SLC45A3: variants seen among roughly 807,000 people sequenced by gnomAD.
SLC45A3 encodes prostate cancer associated protein 2.
Under a neutral mutation model 35.3 loss-of-function variants are expected in SLC45A3, and 17 were observed. The ratio of observed to expected loss-of-function variants is 0.48; its 90% confidence interval spans 0.33 to 0.72. SLC45A3 has a LOEUF of 0.72. Among genes scored for constraint, SLC45A3 ranks in the 30% least tolerant of loss-of-function variants. The probability of loss-of-function intolerance (pLI) is 0.02; values close to 1 mark genes in which losing one functional copy is unlikely to be tolerated. For missense variants in SLC45A3, 597 were observed against 731.7 expected, an observed-to-expected ratio of 0.82 and a Z score of 2.12; for synonymous variants, 288 against 334.3, an observed-to-expected ratio of 0.86 and a Z score of 1.51.
chr1:205,671,873 C>CAAAG (rs1671222544), intron 1 of SLC45A3, among the ~76,000 whole-genome samples: 1 of 151,126 alleles, frequency 6.6e-6, no homozygotes, highest in South Asian at 2.1e-4. Context: ...CTCAAACAAA[C>CAAAG]AAAAAACCAC....
Position 205,662,355 on chromosome 1 carries a change from G to C in SLC45A3, c.959-229C>G. The C allele has an allele frequency of 7.1e-7, 1 of 1,404,408 alleles. No individual in the cohort carries two copies. The highest frequency in any genetic ancestry group is 9.2e-7 in the Non-Finnish European group (1 of 1,083,912). 87.0% of individuals were successfully genotyped at this position (1,404,408 alleles called of 1,614,324 possible). A position where few individuals can be genotyped will look rare whatever the true frequency, so the allele number is the denominator to read the frequency against. ...CCCTTGCTGAAGGCAGAGGAAGGTA[G>C]TCTGAAGGTTTCCTGGGAGTCTCAG... On this transcript the variant is annotated intron_variant, in intron 3 of 4. Coordinates refer to ENST00000367145, the MANE Select transcript of SLC45A3 (RefSeq NM_033102.3). The surrounding 1 kb of genome is among the most constrained non-coding windows in gnomAD (Gnocchi z 6.2).
rs1553247618 is a variant in SLC45A3 at position 205,664,701 on chromosome 1, A to G, written c.-45T>C. On this transcript the variant is annotated 5_prime_UTR_variant, in exon 2 of 5. Coordinates refer to ENST00000367145, the MANE Select transcript of SLC45A3 (RefSeq NM_033102.3). The surrounding 1 kb of genome is among the most constrained non-coding windows in gnomAD (Gnocchi z 5.3). ...GCTCAGGGGGCCGTTCAGGCACTCC[A>G]GAACTGCTTCGTCTCGGCTCTGCTC... 2 of 1,597,206 alleles carry G rather than the reference A, an allele frequency of 1.3e-6. No individual in the cohort carries two copies. The highest frequency in any genetic ancestry group is 1.1e-5 in the South Asian group (1 of 89,578).
Position 205,659,631 on chromosome 1 carries a change from C to G in SLC45A3, c.1265G>C (p.Ser422Thr). ...PKYRGDTGGA[S>T]SEDSLMTSFL... ...GCTGGTCATCAGGCTGTCCTCACTG[C>G]TAGCACCTCCAGTGTCCCCTCGGTA... The change falls in exon 5 of 5, where the codon AGC becomes ACC. Residue 422 changes from serine (S) to threonine (T), a missense_variant. This residue lies in a region of SLC45A3 where 555 missense variants were observed against 664.9 expected (regional missense o/e 0.83). Coordinates refer to ENST00000367145, the MANE Select transcript of SLC45A3 (RefSeq NM_033102.3). This position sits in a 1 kb window ranked among gnomAD's most constrained non-coding sequence, Gnocchi z 5.8. The G allele has an allele frequency of 6.5e-7, 1 of 1,538,664 alleles. No individual in the cohort carries two copies. The highest frequency in any genetic ancestry group is 8.7e-7 in the Non-Finnish European group (1 of 1,146,018).
chr1:205,659,703 G>A lies in SLC45A3; in HGVS notation c.1225-32C>T. The A allele has an allele frequency of 1.3e-6, 2 of 1,514,326 alleles. No individual in the cohort carries two copies. Among genetic ancestry groups the A allele is most frequent in the Non-Finnish European group, 1.8e-6 (2 of 1,132,320 alleles). 93.8% of individuals were successfully genotyped at this position (1,514,326 alleles called of 1,614,324 possible). A position where few individuals can be genotyped will look rare whatever the true frequency, so the allele number is the denominator to read the frequency against. On this transcript the variant is annotated intron_variant, in intron 4 of 4. Transcript: ENST00000367145. This position sits in a 1 kb window ranked among gnomAD's most constrained non-coding sequence, Gnocchi z 5.8. ...CAGAGGGGTGAAGAAAAGGGGAAGA[G>A]GACAGGTGTGTACCCAGCACTGGCA...
chr1:205,678,038 C>T (rs772342151), intron 1 of SLC45A3, among the ~76,000 whole-genome samples: 17 of 152,092 alleles, frequency 1.1e-4, no homozygotes, highest in Non-Finnish European at 1.6e-4. Context: ...TCTTTCTGGC[C>T]GGGTGCGGTG....
rs546294380 is a variant in SLC45A3, at chr1:205,662,844, T to G, written c.947A>C (p.His316Pro). 2 of 1,591,450 alleles carry G rather than the reference T, an allele frequency of 1.3e-6. No individual in the cohort carries two copies. Among genetic ancestry groups the G allele is most frequent in the African/African-American group, 2.7e-5 (2 of 74,542 alleles). Reference sequence around the variant, plus strand: ...TGCCAAGGCCTTACCTTCATCATAGTGTCTCCGGGCCTCGGTGCCCGGCTC... The same window carrying G: ...TGCCAAGGCCTTACCTTCATCATAGGGTCTCCGGGCCTCGGTGCCCGGCTC... ...RAEPGTEARR[H>P]YDEGVRMGSL... Residue 316 changes from histidine (H) to proline (P), a missense_variant, in exon 3 of 5, where the codon CAC becomes CCC. Physicochemically the swap from His to Pro is moderately conservative, Grantham distance 77. This residue lies in a region of SLC45A3 where 555 missense variants were observed against 664.9 expected (regional missense o/e 0.83). Transcript: ENST00000367145. This position sits in a 1 kb window ranked among gnomAD's most constrained non-coding sequence, Gnocchi z 6.2.
At position 205,662,140 on chromosome 1, in the gene SLC45A3, G is replaced by T. The variant is rs535377822; in HGVS notation, c.959-14C>A. On this transcript the variant is annotated splice_polypyrimidine_tract_variant and intron_variant, in intron 3 of 4. Transcript: ENST00000367145. This position sits in a 1 kb window ranked among gnomAD's most constrained non-coding sequence, Gnocchi z 6.2. ...CCATCCGAACGCCTGCAGAGGGAGA[G>T]GGGCCATCAGACAGAGCCTGGGAGG... is the stretch of plus-strand genomic sequence containing the variant. 3.1e-6 allele frequency: 5 copies of T among 1,607,562 alleles called. No homozygotes were observed. In the East Asian group the frequency reaches 1.1e-4, roughly 36 times the overall value.
intron 1 of SLC45A3, among the ~76,000 whole-genome samples, chr1:205,668,765 A>G (rs1184239695): frequency 6.6e-6 from 1 of 152,166 alleles, no homozygotes; most frequent in Non-Finnish European, 1.5e-5. Context: ...GTCCCTCTCA[A>G]GTTCCAAACA....
chr1:205,662,814 C>A lies in SLC45A3; in HGVS notation c.958+19G>T. 6.4e-7 allele frequency: 1 copy of A among 1,554,264 alleles called. No homozygotes were observed. On this transcript the variant is annotated intron_variant, in intron 3 of 4. Coordinates refer to ENST00000367145, the MANE Select transcript of SLC45A3 (RefSeq NM_033102.3). This position sits in a 1 kb window ranked among gnomAD's most constrained non-coding sequence, Gnocchi z 6.2. ...TGGGCGGCTCCCACACCAGCCTCTG[C>A]TGGCTGCCAAGGCCTTACCTTCATC...
At chr1:205,670,758 C>T (rs1326437645) in intron 1 of SLC45A3, among the ~76,000 whole-genome samples, 6 of 152,210 alleles carry the variant, frequency 3.9e-5, no homozygotes, top group African/African-American at 7.2e-5. Flanking sequence ...AAACTCTCTC[C>T]GGCTGCCAGC....
At position 205,662,544 on chromosome 1, in the gene SLC45A3, C is replaced by A. The variant is rs1558033968; in HGVS notation, c.958+289G>T. 1 of 1,301,594 alleles carries A rather than the reference C, an allele frequency of 7.7e-7. No homozygotes were observed. The highest frequency in any genetic ancestry group is 9.7e-7 in the Non-Finnish European group (1 of 1,027,368). The allele number at this position is 1,301,594 out of a possible 1,614,324, so 80.6% of individuals were successfully genotyped here. On this transcript the variant is annotated intron_variant, in intron 3 of 4. Coordinates refer to ENST00000367145, the MANE Select transcript of SLC45A3 (RefSeq NM_033102.3). This position sits in a 1 kb window ranked among gnomAD's most constrained non-coding sequence, Gnocchi z 6.2. ...GGAACCAGGCAGATCTGAAATCCAG[C>A]CTTAACTCCTCCACTCCCTCTAGAC... is the stretch of plus-strand genomic sequence containing the variant.
chr1:205,675,729 C>T (rs779841045), intron 1 of SLC45A3, among the ~76,000 whole-genome samples: 2 of 152,092 alleles, frequency 1.3e-5, no homozygotes, highest in Non-Finnish European at 1.5e-5. Context: ...AGGTGGTCAC[C>T]GTGCTCCAGT....
chr1:205,664,816 G>C lies in SLC45A3; in HGVS notation c.-160C>G. On this transcript the variant is annotated 5_prime_UTR_variant, in exon 2 of 5. Transcript: ENST00000367145. This position sits in a 1 kb window ranked among gnomAD's most constrained non-coding sequence, Gnocchi z 5.3. ...CTGCCAGCCCTTTGGTGCCGGTCCA[G>C]CTTCTCAGCCCATGCTCAACACCTG... 2.1e-6 allele frequency: 3 copies of C among 1,433,788 alleles called. No homozygotes were observed. In the East Asian group the frequency reaches 7.5e-5, roughly 36 times the overall value. 88.8% of individuals were successfully genotyped at this position (1,433,788 alleles called of 1,614,324 possible).
At chr1:205,671,823 G>A (rs1428880300) in intron 1 of SLC45A3, among the ~76,000 whole-genome samples, 2 of 151,972 alleles carry the variant, frequency 1.3e-5, no homozygotes, top group Non-Finnish European at 2.9e-5. Context: ...CCGAGATCAT[G>A]CCACACTGCA....
rs193060220 is a variant in SLC45A3, at chr1:205,666,183, G to A, written c.-230-1297C>T. Reference sequence around the variant, plus strand: ...CATGGGGCCTTGCATATTACAAAGCGTGTTGTGGGTGCTCTGAGCTGTGCC... The same window carrying A: ...CATGGGGCCTTGCATATTACAAAGCATGTTGTGGGTGCTCTGAGCTGTGCC... On this transcript the variant is annotated intron_variant, in intron 1 of 4. Transcript: ENST00000367145. This position sits in a 1 kb window ranked among gnomAD's most constrained non-coding sequence, Gnocchi z 4.1. Among the ~76,000 whole-genome samples, 37 of 152,152 alleles carry A rather than the reference G, an allele frequency of 2.4e-4. No individual in the cohort carries two copies. The highest frequency in any genetic ancestry group is 1.2e-3 in the South Asian group (6 of 4,806).
At chr1:205,679,565 C>T (rs543207940) in intron 1 of SLC45A3, among the ~76,000 whole-genome samples, 1 of 152,286 alleles carries the variant, frequency 6.6e-6, no homozygotes, top group Non-Finnish European at 1.5e-5. Context: ...CACCACATCA[C>T]ACCTGTTTGC....
chr1:205,679,129 C>G (rs1014514136), intron 1 of SLC45A3, among the ~76,000 whole-genome samples: 1 of 152,142 alleles, frequency 6.6e-6, no homozygotes, highest in African/African-American at 2.4e-5. Flanking sequence ...CACTGCGGGC[C>G]CTGGTCAACT....
rs750886456 is a variant in SLC45A3, at chr1:205,661,877, T to C, written c.1208A>G (p.Tyr403Cys). 1.9e-6 allele frequency: 3 copies of C among 1,612,892 alleles called. No homozygotes were observed. Among genetic ancestry groups the C allele is most frequent in the Non-Finnish European group, 2.5e-6 (3 of 1,179,386 alleles). The change falls in exon 4 of 5, where the codon TAC becomes TGC. Residue 403 changes from tyrosine (Y) to cysteine (C), a missense_variant. This residue lies in a region of SLC45A3 where 555 missense variants were observed against 664.9 expected (regional missense o/e 0.83). Transcript: ENST00000367145. Reference protein sequence around the residue: ...QILPYTLASLYHREKQVFLPK... With the variant: ...QILPYTLASLCHREKQVFLPK... ...AATGAGTACCTGCTTCTCCCGGTGGTAGAGGGAGGCCAGTGTGTAGGGCAG... is the reference window on the plus strand; with the variant it reads ...AATGAGTACCTGCTTCTCCCGGTGGCAGAGGGAGGCCAGTGTGTAGGGCAG...
intron 1 of SLC45A3, among the ~76,000 whole-genome samples, chr1:205,677,789 G>A (rs1671335372): frequency 1.3e-5 from 2 of 152,166 alleles, no homozygotes; most frequent in African/African-American, 2.4e-5. Flanking sequence ...GAGCACTTAT[G>A]TGTCAGACAC....
Sources: gnomAD v4.1 joint callset for allele counts (sites outside exome capture counted in the v4.1 genomes callset) on GRCh38, gnomAD v4.1.1 for gene constraint, gnomAD v4.1.1 regional missense constraint, Gnocchi (gnomAD v3.1) non-coding constraint, MANE v1.5 for transcripts, NCBI Gene and HGNC (gene_info 2026-07-23, HGNC 2026-07-21) for gene names.